CDH13: variants seen among roughly 807,000 people sequenced by gnomAD.
CDH13 encodes the protein cadherin 13.
Under a neutral mutation model 63.8 loss-of-function variants are expected in CDH13, and 24 were observed. That is an observed-to-expected ratio of 0.38 (90% confidence interval 0.27 to 0.53). CDH13 has a LOEUF of 0.53. Among genes scored for constraint, CDH13 ranks in the 20% least tolerant of loss-of-function variants. The pLI, the probability that CDH13 is intolerant of heterozygous loss-of-function variation, is 0.85. For synonymous variants in CDH13, 503 were observed against 355.3 expected, an observed-to-expected ratio of 1.42 and a Z score of -4.67; for missense variants, 1,049 against 903.1, an observed-to-expected ratio of 1.16 and a Z score of -2.07.
At chr16:83,764,129 C>T (rs1298691020) in intron 11 of CDH13, among the ~76,000 whole-genome samples, 1 of 152,182 alleles carries the variant, frequency 6.6e-6, no homozygotes, top group Non-Finnish European at 1.5e-5. Flanking sequence ...TGAACTGAGT[C>T]ATGGACTGAT....
At chr16:82,791,400 C>G (rs111842685) in intron 1 of CDH13, among the ~76,000 whole-genome samples, 1 of 152,310 alleles carries the variant, frequency 6.6e-6, no homozygotes, top group African/African-American at 2.4e-5. Flanking sequence ...AAGAAGTAGT[C>G]AAATCATATA....
rs977919969 is a variant in CDH13 at position 83,759,978 on chromosome 16, C to G, written c.1681+11728C>G. Reference sequence around the variant, plus strand: ...AGAAAGAAATCCTATAATCTGTAAGCAAAAGACACAACCCAAAGAAGAATA... The same window carrying G: ...AGAAAGAAATCCTATAATCTGTAAGGAAAAGACACAACCCAAAGAAGAATA... On this transcript the variant is annotated intron_variant, in intron 11 of 13. Transcript: ENST00000567109. Among the ~76,000 whole-genome samples the G allele has an allele frequency of 2.0e-5, 3 of 147,674 alleles. No individual in the cohort carries two copies. In the East Asian group the frequency reaches 5.9e-4, roughly 29 times the overall value.
At chr16:83,572,668 G>C (rs766167345) in intron 7 of CDH13, among the ~76,000 whole-genome samples, 1 of 152,102 alleles carries the variant, frequency 6.6e-6, no homozygotes, top group East Asian at 1.9e-4. Context: ...GGCCACTTCC[G>C]GGACATGGGC....
chr16:83,314,557 T>TA (rs966492045), intron 5 of CDH13, among the ~76,000 whole-genome samples: 130 of 150,954 alleles, frequency 8.6e-4, no homozygotes, highest in Middle Eastern at 3.4e-3. Flanking sequence ...GTCAGTGTGT[T>TA]AAAAAAAAAT....
intron 4 of CDH13, among the ~76,000 whole-genome samples, chr16:83,139,336 A>G (rs2036433139): frequency 6.6e-6 from 1 of 152,058 alleles, no homozygotes; most frequent in Admixed American, 6.6e-5. Context: ...GAATTTGAAA[A>G]CTTTTATTTT....
chr16:83,336,836 C>T (rs993655235), intron 5 of CDH13, among the ~76,000 whole-genome samples: 2 of 152,166 alleles, frequency 1.3e-5, no homozygotes, highest in African/African-American at 4.8e-5. Context: ...TTGCTTGGGT[C>T]ATCTCATATT....
intron 1 of CDH13, among the ~76,000 whole-genome samples, chr16:82,721,025 C>G (rs556831273): frequency 3.9e-5 from 6 of 152,330 alleles, no homozygotes; most frequent in African/African-American, 9.6e-5. Context: ...ATTACTGGCA[C>G]AAAACATTCA....
At chr16:83,574,823 C>G (rs1166645421) in intron 7 of CDH13, among the ~76,000 whole-genome samples, 1 of 152,104 alleles carries the variant, frequency 6.6e-6, no homozygotes, top group Non-Finnish European at 1.5e-5. Context: ...AGAATTTACT[C>G]CCTGCAATAT....
chr16:83,622,263 G>A lies in CDH13; in HGVS notation c.1101+19669G>A, dbSNP rs574672652. 3.3e-5 allele frequency among the ~76,000 whole-genome samples: 5 copies of A among 152,190 alleles called. No individual in the cohort carries two copies. The South Asian group carries it at 1.0e-3, about 32-fold the overall frequency. ...ATACCTGAGACTTCAGCGTGGTGGG[G>A]CAGGAATGTGAGGTGTGAGTCAGAG... is the stretch of plus-strand genomic sequence containing the variant. On this transcript the variant is annotated intron_variant, in intron 8 of 13. Coordinates refer to ENST00000567109, the MANE Select transcript of CDH13 (RefSeq NM_001257.5).
At chr16:82,954,772 C>T (rs1441285272) in intron 2 of CDH13, 1 of 151,702 alleles carries the variant, frequency 6.6e-6, no homozygotes, top group Non-Finnish European at 1.5e-5. Flanking sequence ...AAACACTATC[C>T]TGAGTCATAC....
chr16:82,983,171 G>A (rs1910505084), intron 2 of CDH13, among the ~76,000 whole-genome samples: 1 of 152,142 alleles, frequency 6.6e-6, no homozygotes, highest in Non-Finnish European at 1.5e-5. Flanking sequence ...AGCTGATCTT[G>A]GCTCCAGGGC....
At position 83,150,986 on chromosome 16, in the gene CDH13, A is replaced by G. The variant is rs547215503; in HGVS notation, c.483+25485A>G. Among the ~76,000 whole-genome samples the G allele has an allele frequency of 3.0e-4, 46 of 152,190 alleles. 1 individual carries two copies. In the South Asian group the frequency reaches 3.7e-3, roughly 12 times the overall value. On this transcript the variant is annotated intron_variant, in intron 4 of 13. Transcript: ENST00000567109. ...TTTTTTACATTCCCAGTGCATTGTGATCATATATTATTCATCTTTATGTGA... is the reference window on the plus strand; with the variant it reads ...TTTTTTACATTCCCAGTGCATTGTGGTCATATATTATTCATCTTTATGTGA...
chr16:82,909,252 ATG>A (rs10527714), intron 2 of CDH13, among the ~76,000 whole-genome samples: 35,868 of 146,676 alleles, frequency 0.24, 5,649 homozygotes, highest in East Asian at 0.7. Flanking sequence ...CTGACTGTAT[ATG>A]TGTGTGTGTG....
intron 10 of CDH13, among the ~76,000 whole-genome samples, chr16:83,704,741 C>T (rs1194463487): frequency 6.6e-6 from 1 of 152,138 alleles, no homozygotes; most frequent in Non-Finnish European, 1.5e-5. Flanking sequence ...AAACTGAACT[C>T]TATAATGGTA....
chr16:83,662,615 G>A (rs1365761700), intron 8 of CDH13, among the ~76,000 whole-genome samples: 1 of 151,880 alleles, frequency 6.6e-6, no homozygotes, highest in Non-Finnish European at 1.5e-5. Flanking sequence ...GCATGTGGGG[G>A]GTATTATCCT....
At chr16:83,368,300 C>A (rs1179693940) in intron 6 of CDH13, among the ~76,000 whole-genome samples, 1 of 152,146 alleles carries the variant, frequency 6.6e-6, no homozygotes, top group African/African-American at 2.4e-5. Flanking sequence ...TAAACAGATA[C>A]ATACTGAGGT....
intron 3 of CDH13, among the ~76,000 whole-genome samples, chr16:83,096,936 AT>A (rs1436311508): frequency 1.3e-5 from 2 of 151,986 alleles, no homozygotes; most frequent in South Asian, 2.1e-4. Context: ...CTCATAAAAT[AT>A]TTTTTTTCTG....
chr16:83,236,263 A>ACACACACG (rs59824990), intron 5 of CDH13, among the ~76,000 whole-genome samples: 1 of 151,740 alleles, frequency 6.6e-6, no homozygotes, highest in Admixed American at 6.6e-5. Flanking sequence ...ACACACACAC[A>ACACACACG]TAGGTTTTGT....
At chr16:83,404,522 ATGT>A (rs1354321505) in intron 6 of CDH13, among the ~76,000 whole-genome samples, 1 of 152,192 alleles carries the variant, frequency 6.6e-6, no homozygotes, top group Non-Finnish European at 1.5e-5. Flanking sequence ...AACTTGATTA[ATGT>A]TGTTCTTATT....
Sources: gnomAD v4.1 joint callset for allele counts (sites outside exome capture counted in the v4.1 genomes callset) on GRCh38, gnomAD v4.1.1 for gene constraint, MANE v1.5 for transcripts, NCBI Gene and HGNC (gene_info 2026-07-23, HGNC 2026-07-21) for gene names.